Variants in FEZ1 observed in about 807,000 individuals in gnomAD.
FEZ1 encodes the protein fasciculation and elongation protein zeta 1.
Under a neutral mutation model 49.3 loss-of-function variants are expected in FEZ1, and 20 were observed. The ratio of observed to expected loss-of-function variants is 0.41; its 90% CI spans 0.29 to 0.59. FEZ1 has a LOEUF of 0.59. Ranked by LOEUF, FEZ1 falls within the 20% of genes least tolerant of loss-of-function variation. FEZ1 has a pLI of 0.36. For synonymous variants in FEZ1, 170 were observed against 180.9 expected (o/e 0.94, Z 0.48); for missense variants, 413 against 476.0 (o/e 0.87, Z 1.23).
At chr11:125,479,848 A>G (rs1957263954) in intron 3 of FEZ1, among the ~76,000 whole-genome samples, 1 of 152,260 alleles carries the variant, frequency 6.6e-6, no homozygotes, top group South Asian at 2.1e-4. Context: ...AGTCTAACGT[A>G]TCCTGTTACA....
chr11:125,483,763 G>C (rs1305915595), intron 2 of FEZ1, among the ~76,000 whole-genome samples: 1 of 152,252 alleles, frequency 6.6e-6, no homozygotes, highest in East Asian at 1.9e-4. Context: ...ATAGGCAGGA[G>C]CCTTTTGTAT....
intron 8 of FEZ1, among the ~76,000 whole-genome samples, chr11:125,449,154 C>G (rs547256436): frequency 1.3e-5 from 2 of 151,956 alleles, no homozygotes; most frequent in Middle Eastern, 3.4e-3. Context: ...AATCCTCCCC[C>G]TCTCAGCCTC....
At chr11:125,463,281 G>A in intron 4 of FEZ1, 1 of 370,556 alleles carries the variant, frequency 2.7e-6, no homozygotes, top group South Asian at 3.6e-5. Flanking sequence ...ACTCCAGCCT[G>A]GGCAACAGAG....
intron 2 of FEZ1, chr11:125,488,992 T>A: frequency 1.0e-5 from 10 of 985,694 alleles, no homozygotes; most frequent in African/African-American, 5.2e-5. Context: ...CTTTCTTATG[T>A]GGACATATCC....
intron 8 of FEZ1, chr11:125,451,544 T>C (rs1198682678): frequency 6.6e-6 from 1 of 152,176 alleles, no homozygotes; most frequent in South Asian, 2.1e-4. Flanking sequence ...CGGGGCCTCG[T>C]TAGCTGTCAC....
chr11:125,457,332 G>GA (rs918704591), intron 5 of FEZ1, among the ~76,000 whole-genome samples: 24 of 144,000 alleles, frequency 1.7e-4, no homozygotes, highest in African/African-American at 5.3e-4. Flanking sequence ...TTGAGAGGCT[G>GA]AGGTGGGTGG....
chr11:125,445,883 C>A lies in FEZ1; in HGVS notation c.*212G>T. On this transcript the variant is annotated 3_prime_UTR_variant, in exon 10 of 10. Coordinates refer to ENST00000278919, the MANE Select transcript of FEZ1 (RefSeq NM_005103.5). This position sits in a 1 kb window ranked among gnomAD's most constrained non-coding sequence, Gnocchi z 4.4. ...TCTCCTGACACCAGCAAGGGGGAGG[C>A]ACCATCACCGGCCCTGCCCCATCAT... 1 of 603,548 alleles carries A rather than the reference C, an allele frequency of 1.7e-6. No homozygotes were observed. The allele number at this position is 603,548 out of a possible 1,614,324, so 37.4% of individuals were successfully genotyped here.
rs7106326 is a variant in FEZ1 at position 125,455,694 on chromosome 11, G to C, written c.939+141C>G. 1,328 of 833,946 alleles carry C rather than the reference G, an allele frequency of 1.6e-3. 7 individuals carry two copies. The African/African-American group carries it at 0.019, about 12-fold the overall frequency. 51.7% of individuals were successfully genotyped at this position (833,946 alleles called of 1,614,324 possible). A position where few individuals can be genotyped will look rare whatever the true frequency, so the allele number is the denominator to read the frequency against. ...GATAGGTGATATCTTCTCCCTTTCT[G>C]ACCCCCTGTCTGTCACAGTGTGCTG... On this transcript the variant is annotated intron_variant, in intron 6 of 9. Transcript: ENST00000278919.
At chr11:125,447,674 T>A (rs76314172) in intron 9 of FEZ1, among the ~76,000 whole-genome samples, 1 of 151,866 alleles carries the variant, frequency 6.6e-6, no homozygotes. Context: ...ATACAAAAAT[T>A]AGTTGAGCAT....
intron 5 of FEZ1, among the ~76,000 whole-genome samples, chr11:125,459,100 A>T (rs1314119528): frequency 1.3e-5 from 2 of 151,918 alleles, no homozygotes; most frequent in African/African-American, 4.8e-5. Context: ...AGAAAAAGAA[A>T]CATAATCATC....
At chr11:125,482,002 A>G (rs1957284104) in intron 2 of FEZ1, among the ~76,000 whole-genome samples, 1 of 152,048 alleles carries the variant, frequency 6.6e-6, no homozygotes, top group African/African-American at 2.4e-5. Flanking sequence ...TTCTTTTCCT[A>G]TGGGCAGAGA....
chr11:125,446,087 G>A lies in FEZ1; in HGVS notation c.*8C>T. On this transcript the variant is annotated 3_prime_UTR_variant, in exon 10 of 10. Transcript: ENST00000278919. ...CCTCCTGCAGCGAGGCTGCTCCAAA[G>A]GGCAAGGTTAGGTAGGGCAGAGCAC... 6.2e-7 allele frequency: 1 copy of A among 1,613,966 alleles called. No homozygotes were observed. The highest frequency in any genetic ancestry group is 8.5e-7 in the Non-Finnish European group (1 of 1,179,866).
At chr11:125,456,164 G>A in intron 5 of FEZ1, 58 bp from the exon 6 acceptor site, 1 of 1,493,914 alleles carries the variant, frequency 6.7e-7, no homozygotes. Flanking sequence ...GCCCGCTGGG[G>A]AGGCTCCTGG....
intron 5 of FEZ1, among the ~76,000 whole-genome samples, chr11:125,456,648 G>C (rs947438931): frequency 6.6e-6 from 1 of 152,190 alleles, no homozygotes; most frequent in Non-Finnish European, 1.5e-5. Context: ...AAACCTGGAA[G>C]ATTGGTGACT....
intron 2 of FEZ1, among the ~76,000 whole-genome samples, chr11:125,482,405 G>A (rs544344887): frequency 6.6e-6 from 1 of 152,164 alleles, no homozygotes; most frequent in African/African-American, 2.4e-5. Context: ...TTTGTTTTTA[G>A]TGGGGAAAGA....
chr11:125,488,030 C>T (rs536773410), intron 2 of FEZ1, among the ~76,000 whole-genome samples: 27 of 151,182 alleles, frequency 1.8e-4, no homozygotes, highest in Non-Finnish European at 4.4e-5. Context: ...ACTTCCCTGA[C>T]GTTTGACATT....
At chr11:125,456,909 A>G (rs1212844144) in intron 5 of FEZ1, among the ~76,000 whole-genome samples, 1 of 152,088 alleles carries the variant, frequency 6.6e-6, no homozygotes, top group Non-Finnish European at 1.5e-5. Flanking sequence ...TTAGGCCAGG[A>G]GCAGTGGCTC....
chr11:125,458,126 C>T (rs901500620), intron 5 of FEZ1, among the ~76,000 whole-genome samples: 2 of 152,164 alleles, frequency 1.3e-5, no homozygotes, highest in South Asian at 2.1e-4. Flanking sequence ...CACCTCCTGC[C>T]GCTGCTATTC....
chr11:125,454,323 T>A, intron 6 of FEZ1, 113 bp from the exon 7 acceptor site: 1 of 694,946 alleles, frequency 1.4e-6, no homozygotes, highest in Non-Finnish European at 2.5e-6. Context: ...GTTCTGTGAC[T>A]AGACAGTAAG....
Sources: gnomAD v4.1 joint callset for allele counts (sites outside exome capture counted in the v4.1 genomes callset) on GRCh38, gnomAD v4.1.1 for gene constraint, Gnocchi (gnomAD v3.1) non-coding constraint, MANE v1.5 for transcripts, NCBI Gene and HGNC (gene_info 2026-07-23, HGNC 2026-07-21) for gene names.